OPCML: variants seen among roughly 807,000 people sequenced by gnomAD.
OPCML encodes opioid-binding protein/cell adhesion molecule.
In OPCML, 13 loss-of-function variants were observed where a neutral mutation model predicts 37.8. That is an observed-to-expected ratio of 0.34 (90% CI 0.22 to 0.55). The LOEUF (loss-of-function observed/expected upper bound fraction) is 0.55, where lower values mean the gene tolerates loss of function less well. OPCML is among the 20% of genes least tolerant of loss of function. The pLI is 0.91. For synonymous variants in OPCML, 176 were observed against 168.8 expected (o/e 1.04, Z -0.33); for missense variants, 341 against 435.6 (o/e 0.78, Z 1.93).
At position 132,943,240 on chromosome 11, in the gene OPCML, G is replaced by A; in HGVS notation, c.62-230C>T. 2 of 1,203,196 alleles carry A rather than the reference G, an allele frequency of 1.7e-6. No individual in the cohort carries two copies. The highest frequency in any genetic ancestry group is 1.2e-6 in the Non-Finnish European group (1 of 866,694). The allele number at this position is 1,203,196 out of a possible 1,614,324, so 74.5% of individuals were successfully genotyped here. A position where few individuals can be genotyped will look rare whatever the true frequency, so the allele number is the denominator to read the frequency against. ...GGGGGAAGGAGAAGAGAGGAGTCCGGGCTCTCCGGAGTCTGAGAATTCTTC... is the reference window on the plus strand; with the variant it reads ...GGGGGAAGGAGAAGAGAGGAGTCCGAGCTCTCCGGAGTCTGAGAATTCTTC... On this transcript the variant is annotated intron_variant, in intron 1 of 7. Coordinates refer to ENST00000524381, the MANE Select transcript of OPCML (RefSeq NM_001012393.5). This position sits in a 1 kb window ranked among gnomAD's most constrained non-coding sequence, Gnocchi z 4.3.
At chr11:132,896,252 C>T (rs925399951) in intron 2 of OPCML, among the ~76,000 whole-genome samples, 2 of 152,186 alleles carry the variant, frequency 1.3e-5, no homozygotes, top group African/African-American at 4.8e-5. Context: ...TACTCGGACA[C>T]ACCAGGAGGG....
At chr11:132,867,436 A>T (rs1008141218) in intron 2 of OPCML, among the ~76,000 whole-genome samples, 2 of 152,238 alleles carry the variant, frequency 1.3e-5, no homozygotes, top group Non-Finnish European at 2.9e-5. Context: ...AGTTACTTTC[A>T]TTGAGGATGA....
At chr11:132,462,928 G>T (rs972190129) in intron 4 of OPCML, among the ~76,000 whole-genome samples, 1 of 152,218 alleles carries the variant, frequency 6.6e-6, no homozygotes, top group Non-Finnish European at 1.5e-5. Context: ...TTGGGGGAAA[G>T]AGGGTCCAGA....
chr11:133,075,069 C>T (rs60425953), intron 1 of OPCML, among the ~76,000 whole-genome samples: 2 of 152,172 alleles, frequency 1.3e-5, no homozygotes, highest in African/African-American at 4.8e-5. Flanking sequence ...CAGCCTCTCA[C>T]GCGTCCCCAC....
rs556318938 is a variant in OPCML, at chr11:133,273,058, C to T, written c.61+259206G>A. Among the ~76,000 whole-genome samples, 14 of 152,206 alleles carry T rather than the reference C, an allele frequency of 9.2e-5. No individual in the cohort carries two copies. In the South Asian group the frequency reaches 2.1e-3, roughly 23 times the overall value. On this transcript the variant is annotated intron_variant, in intron 1 of 7. Transcript: ENST00000524381. The stretch of plus-strand genomic sequence containing the variant: ...TACTCAAGAGCTCTGCATTTAATCT[C>T]GGAAGGCTGCCAGGGGTTTCAAGGA...
At chr11:132,914,783 C>A (rs59024136) in intron 2 of OPCML, among the ~76,000 whole-genome samples, 1 of 152,094 alleles carries the variant, frequency 6.6e-6, no homozygotes, top group Non-Finnish European at 1.5e-5. Context: ...GAAACCAGAG[C>A]CCCAAGGAGC....
At chr11:132,788,407 A>G (rs1247505357) in intron 2 of OPCML, among the ~76,000 whole-genome samples, 4 of 152,106 alleles carry the variant, frequency 2.6e-5, no homozygotes, top group Non-Finnish European at 2.9e-5. Flanking sequence ...TAATTTATTC[A>G]TTTTTCTCTA....
At chr11:133,188,243 A>C (rs1013542912) in intron 1 of OPCML, among the ~76,000 whole-genome samples, 2 of 152,230 alleles carry the variant, frequency 1.3e-5, no homozygotes, top group African/African-American at 4.8e-5. Context: ...CAAACACTAG[A>C]AGAATCATAT....
At position 133,235,127 on chromosome 11, in the gene OPCML, G is replaced by T. The variant is rs551074085; in HGVS notation, c.62-292117C>A. On this transcript the variant is annotated intron_variant, in intron 1 of 7. Coordinates refer to ENST00000524381, the MANE Select transcript of OPCML (RefSeq NM_001012393.5). ...GCGGCTTTAGCTGGCCACCTCAGGG[G>T]TCACAGAGAATTCCTTTCCCCACCC... Among the ~76,000 whole-genome samples, 7 of 151,940 alleles carry T rather than the reference G, an allele frequency of 4.6e-5. No homozygotes were observed. The East Asian group carries it at 1.2e-3, about 25-fold the overall frequency.
intron 3 of OPCML, among the ~76,000 whole-genome samples, chr11:132,532,852 T>C (rs1332291531): frequency 6.6e-6 from 1 of 152,152 alleles, no homozygotes; most frequent in Admixed American, 6.5e-5. Flanking sequence ...TCAATACTTT[T>C]AACGTAAATT....
intron 1 of OPCML, among the ~76,000 whole-genome samples, chr11:133,086,752 G>A (rs1215490576): frequency 2.6e-5 from 4 of 152,052 alleles, no homozygotes; most frequent in East Asian, 1.9e-4. Flanking sequence ...CCCTACACTC[G>A]CAGCCACTGG....
chr11:132,560,938 T>A (rs2096409347), intron 3 of OPCML, among the ~76,000 whole-genome samples: 1 of 152,204 alleles, frequency 6.6e-6, no homozygotes, highest in Non-Finnish European at 1.5e-5. Context: ...TATCTATTTA[T>A]CTTTGTTTTT....
intron 1 of OPCML, among the ~76,000 whole-genome samples, chr11:133,498,654 C>T (rs1947838857): frequency 6.6e-6 from 1 of 152,176 alleles, no homozygotes; most frequent in Non-Finnish European, 1.5e-5. Context: ...AATGTAGGCA[C>T]ATAGATGCAG....
intron 4 of OPCML, among the ~76,000 whole-genome samples, chr11:132,472,541 C>G (rs1183069613): frequency 1.3e-5 from 2 of 152,196 alleles, no homozygotes; most frequent in Non-Finnish European, 1.5e-5. Flanking sequence ...TATTTCCTAG[C>G]AGCAAAGACA....
intron 1 of OPCML, among the ~76,000 whole-genome samples, chr11:133,198,291 T>C (rs1364096582): frequency 6.6e-6 from 1 of 152,250 alleles, no homozygotes; most frequent in East Asian, 1.9e-4. Context: ...TCAGGAGTTT[T>C]GTAGTTTTCT....
chr11:133,161,136 C>T (rs1402168882), intron 1 of OPCML, among the ~76,000 whole-genome samples: 2 of 152,208 alleles, frequency 1.3e-5, no homozygotes, highest in Non-Finnish European at 2.9e-5. Flanking sequence ...CAGGGCACAC[C>T]TTTGACTGTG....
chr11:133,290,009 C>T (rs565069618), intron 1 of OPCML, among the ~76,000 whole-genome samples: 1 of 152,132 alleles, frequency 6.6e-6, no homozygotes. Flanking sequence ...CACAGAGAAC[C>T]CTTTTCCCAG....
intron 1 of OPCML, among the ~76,000 whole-genome samples, chr11:133,020,879 T>C (rs547540467): frequency 6.6e-6 from 1 of 152,310 alleles, no homozygotes; most frequent in African/African-American, 2.4e-5. Context: ...TGGAAAATCT[T>C]ACAAGAGTGA....
At chr11:132,541,217 C>T (rs764492144) in intron 3 of OPCML, among the ~76,000 whole-genome samples, 10 of 152,156 alleles carry the variant, frequency 6.6e-5, no homozygotes, top group Non-Finnish European at 1.0e-4. Flanking sequence ...TGAGTATTTC[C>T]GGCCTTCCTG....
Sources: gnomAD v4.1 joint callset for allele counts (sites outside exome capture counted in the v4.1 genomes callset) on GRCh38, gnomAD v4.1.1 for gene constraint, Gnocchi (gnomAD v3.1) non-coding constraint, MANE v1.5 for transcripts, NCBI Gene and HGNC (gene_info 2026-07-23, HGNC 2026-07-21) for gene names.